Variants in SLITRK4 observed in about 807,000 individuals in gnomAD.
SLITRK4 encodes SLIT and NTRK like family member 4, also known as SLIT and NTRK-like protein 4.
A neutral mutation model predicts 34.7 loss-of-function variants in SLITRK4; 7 were observed. That is an observed-to-expected ratio of 0.20 (90% CI 0.11 to 0.38). The LOEUF (loss-of-function observed/expected upper bound fraction) is 0.38. SLITRK4 is among the 10% of genes least tolerant of loss of function. The probability of loss-of-function intolerance (pLI) is 1.00; values close to 1 mark genes in which losing one functional copy is unlikely to be tolerated. For missense variants in SLITRK4, 474 were observed against 607.0 expected (o/e 0.78, Z 2.30); for synonymous variants, 237 against 246.2 (o/e 0.96, Z 0.35).
At chrX:143,633,645 G>T (rs1009781554) in intron 1 of SLITRK4, among the ~76,000 whole-genome samples, 2 of 111,446 alleles carry the variant, frequency 1.8e-5, no homozygotes, top group Non-Finnish European at 1.9e-5. Context: ...AGCGGCCTGA[G>T]GGGGGCAGAA....
Position 143,629,609 on chromosome X carries a change from T to C in SLITRK4, c.1500A>G (p.Arg500=), listed in dbSNP as rs1450151877. The C allele has an allele frequency of 2.5e-6, 3 of 1,209,420 alleles. No individual in the cohort carries two copies. Among genetic ancestry groups the C allele is most frequent in the Non-Finnish European group, 3.4e-6 (3 of 895,208 alleles). Residue 500 remains arginine, a synonymous_variant, in exon 2 of 2, where the codon AGA becomes AGG. Coordinates refer to ENST00000356928, the MANE Select transcript of SLITRK4 (RefSeq NM_001184749.3). ...TGAATTTGTTGTTCCTCAGGTTCAG[T>C]CTAGCTAAGGGTGCTCCGGAAAAGA... ...VYIFSGAPLA[R]LNLRNNKFMY...
intron 1 of SLITRK4, among the ~76,000 whole-genome samples, chrX:143,632,452 A>G (rs781945298): frequency 8.9e-6 from 1 of 112,209 alleles, no homozygotes; most frequent in Admixed American, 9.5e-5. Context: ...CTATTTTAGC[A>G]ATATTAGTCT....
intron 1 of SLITRK4, chrX:143,634,203 C>T (rs925535124): frequency 8.9e-6 from 1 of 112,291 alleles, no homozygotes; most frequent in Non-Finnish European, 1.9e-5. Context: ...TGCCTGTTCT[C>T]CCTCCCTGGC....
chrX:143,631,144 A>T lies in SLITRK4; in HGVS notation c.-36T>A. On this transcript the variant is annotated 5_prime_UTR_variant, in exon 2 of 2. Transcript: ENST00000356928. ...TCAGCAAACAACTGTATGCTTCTGA[A>T]TAAAGAGAAATAATCTAAAAAATAA... is the stretch of plus-strand genomic sequence containing the variant. The T allele has an allele frequency of 9.9e-7, 1 of 1,010,527 alleles. No homozygotes were observed. The highest frequency in any genetic ancestry group is 1.3e-6 in the Non-Finnish European group (1 of 757,998). 83.3% of individuals were successfully genotyped at this position (1,010,527 alleles called of 1,213,427 possible).
In SLITRK4 at chrX:143,626,692, T is replaced by G. The variant is rs1025959112; in HGVS notation, c.*1903A>C. ...AGCTGCAACAGAAAAAATATGCCAC[T>G]TGCAATCATGAGGAATGGCTATGTT... On this transcript the variant is annotated 3_prime_UTR_variant, in exon 2 of 2. Coordinates refer to ENST00000356928, the MANE Select transcript of SLITRK4 (RefSeq NM_001184749.3). The G allele has an allele frequency of 9.2e-6, 1 of 108,484 alleles. No individual in the cohort carries two copies. The highest frequency in any genetic ancestry group is 3.4e-5 in the African/African-American group (1 of 29,840). The allele number at this position is 108,484 out of a possible 1,213,427, so 8.9% of individuals were successfully genotyped here.
Position 143,630,743 on chromosome X carries a change from G to A in SLITRK4, c.366C>T (p.Leu122=), listed in dbSNP as rs1556428106. 8.3e-7 allele frequency: 1 copy of A among 1,210,577 alleles called. No individual in the cohort carries two copies. The highest frequency in any genetic ancestry group is 2.3e-4 in the Middle Eastern group (1 of 4,341). The part of the protein sequence containing the change: ...LHLNNNELKI[L]RADTFLGIEN... ...CTATGCCAAGGAAAGTGTCAGCTCGGAGAATCTTTAATTCATTGTTGTTCA... is the reference window on the plus strand; with the variant it reads ...CTATGCCAAGGAAAGTGTCAGCTCGAAGAATCTTTAATTCATTGTTGTTCA... The change falls in exon 2 of 2, where the codon CTC becomes CTT. Residue 122 remains leucine (L), a synonymous_variant. Transcript: ENST00000356928.
rs1930718510 is a variant in SLITRK4 at position 143,624,357 on chromosome X, T to C, written c.*4238A>G. The C allele has an allele frequency of 8.9e-6, 1 of 111,820 alleles. No homozygotes were observed. Among genetic ancestry groups the C allele is most frequent in the Admixed American group, 9.5e-5 (1 of 10,526 alleles). 9.2% of individuals were successfully genotyped at this position (111,820 alleles called of 1,213,427 possible). A position where few individuals can be genotyped will look rare whatever the true frequency, so the allele number is the denominator to read the frequency against. The stretch of plus-strand genomic sequence containing the variant: ...GAATACAGAGGTACTGAAGGGTTTC[T>C]AAAAGTATTTGAGCAGATAGTTAAG... On this transcript the variant is annotated 3_prime_UTR_variant, in exon 2 of 2. Coordinates refer to ENST00000356928, the MANE Select transcript of SLITRK4 (RefSeq NM_001184749.3).
chrX:143,635,089 AGC>A (rs1482892342), intron 1 of SLITRK4: 2 of 102,240 alleles, frequency 2.0e-5, no homozygotes, highest in Non-Finnish European at 4.0e-5. Flanking sequence ...GCGCGCACCC[AGC>A]GCCTAGCACA....
rs1556425990 is a variant in SLITRK4, at chrX:143,628,642, C to T, written c.2467G>A (p.Asp823Asn). Reference protein sequence around the residue: ...ELKAKLQSSPDYLQVLEEQTA... With the variant: ...ELKAKLQSSPNYLQVLEEQTA... ...TGCTCCTCAAGGACCTGTAGGTAGT[C>T]AGGGGAACTCTGCAGTTTCGCCTTC... The change falls in exon 2 of 2, where the codon GAC (aspartate) becomes AAC (asparagine). Residue 823 changes from aspartate to asparagine, a missense_variant. Asp to Asn is a conservative substitution (Grantham distance 23). Transcript: ENST00000356928. 1 of 1,207,870 alleles carries T rather than the reference C, an allele frequency of 8.3e-7. No homozygotes were observed. Among genetic ancestry groups the T allele is most frequent in the Non-Finnish European group, 1.1e-6 (1 of 893,996 alleles).
At chrX:143,631,819 CT>C (rs1239975942) in intron 1 of SLITRK4, among the ~76,000 whole-genome samples, 2 of 111,252 alleles carry the variant, frequency 1.8e-5, no homozygotes, top group Admixed American at 1.9e-4. Context: ...ACAGACGACG[CT>C]GTGCGGTTCT....
At position 143,623,037 on chromosome X, in the gene SLITRK4, C is replaced by T; in HGVS notation, c.*5558G>A. 1 of 110,295 alleles carries T rather than the reference C, an allele frequency of 9.1e-6. No homozygotes were observed. The highest frequency in any genetic ancestry group is 1.9e-5 in the Non-Finnish European group (1 of 52,677). The allele number at this position is 110,295 out of a possible 1,213,427, so 9.1% of individuals were successfully genotyped here. A position where few individuals can be genotyped will look rare whatever the true frequency, so the allele number is the denominator to read the frequency against. ...GACATGATCTAGTATTTGTGAGGTG[C>T]CAACTAAGAGAAATATATTGTTCAG... On this transcript the variant is annotated 3_prime_UTR_variant, in exon 2 of 2. Coordinates refer to ENST00000356928, the MANE Select transcript of SLITRK4 (RefSeq NM_001184749.3).
In SLITRK4 at chrX:143,630,058, G is replaced by A; in HGVS notation, c.1051C>T (p.His351Tyr). Reference sequence around the variant, plus strand: ...ACACTTAGTCCCAAATCTGAAGGGTGTGTTTTGCAGAAGCAAGGTGCCGGG... The same window carrying A: ...ACACTTAGTCCCAAATCTGAAGGGTATGTTTTGCAGAAGCAAGGTGCCGGG... The part of the protein sequence containing the change: ...PCPAPCFCKT[H>Y]PSDLGLSVNC... The change falls in exon 2 of 2, where the codon CAC becomes TAC. Residue 351 changes from histidine (H) to tyrosine (Y), a missense_variant. This residue lies in a region of SLITRK4 where 345 missense variants were observed against 406.5 expected (regional missense o/e 0.85). Transcript: ENST00000356928. The A allele has an allele frequency of 8.3e-7, 1 of 1,211,945 alleles. No individual in the cohort carries two copies. The highest frequency in any genetic ancestry group is 1.1e-6 in the Non-Finnish European group (1 of 895,462).
Position 143,624,745 on chromosome X carries a change from TA to T in SLITRK4, c.*3849del, listed in dbSNP as rs1479996313. 2.7e-5 allele frequency: 3 copies of T among 111,331 alleles called. No homozygotes were observed. Among genetic ancestry groups the T allele is most frequent in the Non-Finnish European group, 5.7e-5 (3 of 52,800 alleles). 9.2% of individuals were successfully genotyped at this position (111,331 alleles called of 1,213,427 possible). On this transcript the variant is annotated 3_prime_UTR_variant, in exon 2 of 2. Coordinates refer to ENST00000356928, the MANE Select transcript of SLITRK4 (RefSeq NM_001184749.3). ...GCAAACAATTTTATTAATACTTTCA[TA>T]AAAATGGCAATTAATAAATTCTAAT...
chrX:143,631,506 C>T (rs2124331544), intron 1 of SLITRK4, among the ~76,000 whole-genome samples: 1 of 109,651 alleles, frequency 9.1e-6, no homozygotes, highest in Admixed American at 1.0e-4. Flanking sequence ...CCTACTTGCA[C>T]TTCAAATGAC....
At chrX:143,632,008 T>C (rs1931055062) in intron 1 of SLITRK4, among the ~76,000 whole-genome samples, 1 of 111,820 alleles carries the variant, frequency 8.9e-6, no homozygotes, top group Non-Finnish European at 1.9e-5. Context: ...AGGCAGTCTT[T>C]CCACTTTGAG....
chrX:143,629,390 G>T lies in SLITRK4; in HGVS notation c.1719C>A (p.Ser573=). ...TGGGACATAAGATTTCATTTTTGAG[G>T]GACTTCAGTTCAATGTTGGCAAACT... ...PVQFANIELK[S]LKNEILCPKL... The change falls in exon 2 of 2, where the codon TCC becomes TCA. Residue 573 remains serine, a synonymous_variant. Coordinates refer to ENST00000356928, the MANE Select transcript of SLITRK4 (RefSeq NM_001184749.3). 8 of 1,211,268 alleles carry T rather than the reference G, an allele frequency of 6.6e-6. No individual in the cohort carries two copies. Among genetic ancestry groups the T allele is most frequent in the Non-Finnish European group, 8.9e-6 (8 of 895,421 alleles).
Position 143,629,177 on chromosome X carries a change from T to C in SLITRK4, c.1932A>G (p.Arg644=). The change falls in exon 2 of 2, where the codon CGA becomes CGG. Residue 644 remains arginine (R), a synonymous_variant. Transcript: ENST00000356928. ...VAFCLLVFVL[R]RNKKPTVKHE... ...GCTTCACTGTGGGTTTCTTGTTGCGTCGCAGGACAAAAACAAGAAGGCAAA... is the reference window on the plus strand; with the variant it reads ...GCTTCACTGTGGGTTTCTTGTTGCGCCGCAGGACAAAAACAAGAAGGCAAA... The C allele has an allele frequency of 8.3e-7, 1 of 1,211,388 alleles. No individual in the cohort carries two copies. The highest frequency in any genetic ancestry group is 2.2e-5 in the Admixed American group (1 of 45,969).
chrX:143,634,420 C>A (rs1162737501), intron 1 of SLITRK4: 1 of 111,217 alleles, frequency 9.0e-6, no homozygotes, highest in Non-Finnish European at 1.9e-5. Flanking sequence ...TCCACGTCTG[C>A]GGAAAGTGGC....
Position 143,625,299 on chromosome X carries a change from A to G in SLITRK4, c.*3296T>C, listed in dbSNP as rs1485313112. 1 of 111,848 alleles carries G rather than the reference A, an allele frequency of 8.9e-6. No homozygotes were observed. Among genetic ancestry groups the G allele is most frequent in the African/African-American group, 3.2e-5 (1 of 30,930 alleles). 9.2% of individuals were successfully genotyped at this position (111,848 alleles called of 1,213,427 possible). A position where few individuals can be genotyped will look rare whatever the true frequency, so the allele number is the denominator to read the frequency against. On this transcript the variant is annotated 3_prime_UTR_variant, in exon 2 of 2. Transcript: ENST00000356928. Reference sequence around the variant, plus strand: ...AAATATAGAATATAAATTGCCTTATAGACTTGAATCACTCTACTTTAATAG... The same window carrying G: ...AAATATAGAATATAAATTGCCTTATGGACTTGAATCACTCTACTTTAATAG...
Sources: allele counts gnomAD v4.1 joint callset (sites outside exome capture counted in the v4.1 genomes callset), GRCh38; gene constraint gnomAD v4.1.1; regional missense constraint gnomAD v4.1.1; transcripts MANE v1.5; gene names NCBI Gene and HGNC (gene_info 2026-07-23, HGNC 2026-07-21).